NOTCH1: variants seen among roughly 807,000 people sequenced by gnomAD.
NOTCH1 encodes the protein notch receptor 1, also known as neurogenic locus notch homolog protein 1.
Under a neutral mutation model 254.8 loss-of-function variants are expected in NOTCH1, and 37 were observed. That is an observed-to-expected ratio of 0.15 (90% CI 0.11 to 0.19). NOTCH1 has a LOEUF of 0.19. Ranked by LOEUF, NOTCH1 falls within the 10% of genes least tolerant of loss-of-function variation. The probability of loss-of-function intolerance (pLI) is 1.00; values close to 1 mark genes in which losing one functional copy is unlikely to be tolerated. For missense variants in NOTCH1, 2,972 were observed against 3,708.6 expected, an observed-to-expected ratio of 0.80 and a Z score of 5.16; for synonymous variants, 1,731 against 1,618.1, an observed-to-expected ratio of 1.07 and a Z score of -1.68.
chr9:136,514,476 C>T (rs1205909672), intron 13 of NOTCH1, 34 bp downstream of exon 13: 1 of 1,545,556 alleles, frequency 6.5e-7, no homozygotes, highest in South Asian at 1.2e-5. Flanking sequence ...GGGTTTAGGA[C>T]TGATGTGTCC....
intron 17 of NOTCH1, 91 bp from the exon 18 acceptor site, chr9:136,510,052 C>A: frequency 7.7e-7 from 1 of 1,293,390 alleles, no homozygotes; most frequent in Non-Finnish European, 1.1e-6. Flanking sequence ...TGGGGACAGC[C>A]CAGCCTTTCG....
Position 136,506,397 on chromosome 9 carries a change from AG to A in NOTCH1, c.4014+129del. The stretch of plus-strand genomic sequence containing the variant: ...TTTATTGAAACTAAAAAAAAAAAAA[AG>A]ACATCAGGGTGAGGAGGAGGATGAA... On this transcript the variant is annotated intron_variant, in intron 24 of 33. Transcript: ENST00000651671. This position sits in a 1 kb window ranked among gnomAD's most constrained non-coding sequence, Gnocchi z 4.5. The A allele has an allele frequency of 2.9e-6, 2 of 681,368 alleles. No individual in the cohort carries two copies. The highest frequency in any genetic ancestry group is 1.9e-5 in the South Asian group (1 of 53,848). The allele number at this position is 681,368 out of a possible 1,614,324, so 42.2% of individuals were successfully genotyped here.
chr9:136,536,277 AG>A (rs991813423), intron 2 of NOTCH1, among the ~76,000 whole-genome samples: 2 of 152,130 alleles, frequency 1.3e-5, no homozygotes, highest in African/African-American at 4.8e-5. Context: ...GGTGCCCTGC[AG>A]GGGACATGGC....
rs1327017398 is a variant in NOTCH1 at position 136,539,126 on chromosome 9, C to T, written c.140+4898G>A. Among the ~76,000 whole-genome samples, 4 of 152,234 alleles carry T rather than the reference C, an allele frequency of 2.6e-5. No individual in the cohort carries two copies. The East Asian group carries it at 7.7e-4, about 29-fold the overall frequency. On this transcript the variant is annotated intron_variant, in intron 2 of 33. Coordinates refer to ENST00000651671, the MANE Select transcript of NOTCH1 (RefSeq NM_017617.5). ...AGCTCTGCCCTGTGGAAGCACTTCC[C>T]CTGGTGCACTGTCTGCCCTGCCCTA... is the stretch of plus-strand genomic sequence containing the variant.
chr9:136,501,009 G>A (rs769485116), intron 30 of NOTCH1, among the ~76,000 whole-genome samples, 162 bp from the exon 31 acceptor site: 97 of 152,324 alleles, frequency 6.4e-4, no homozygotes, highest in Middle Eastern at 3.4e-3. Context: ...GCTGAAGTCC[G>A]CCTGGGCTGC....
rs2133370926 is a variant in NOTCH1 at position 136,518,671 on chromosome 9, G to C, written c.1019C>G (p.Ala340Gly). Residue 340 changes from alanine to glycine, a missense_variant, in exon 6 of 34, where the codon GCC becomes GGC. By Grantham distance (60) the Ala-to-Gly change is moderately conservative. Coordinates refer to ENST00000651671, the MANE Select transcript of NOTCH1 (RefSeq NM_017617.5). Reference sequence around the variant, plus strand: ...GGCGCCGTGGAAGCAGGCGGCGCTGGCACAGTCATCAATGTTCTCGCTGCA... The same window carrying C: ...GGCGCCGTGGAAGCAGGCGGCGCTGCCACAGTCATCAATGTTCTCGCTGCA... ...EDCSENIDDC[A>G]SAACFHGATC... is the part of the protein sequence containing the mutation. 1 of 1,612,548 alleles carries C rather than the reference G, an allele frequency of 6.2e-7. No homozygotes were observed. The highest frequency in any genetic ancestry group is 8.5e-7 in the Non-Finnish European group (1 of 1,179,982).
At chr9:136,503,388 G>A (rs1044547753) in intron 26 of NOTCH1, 58 bp from the exon 27 acceptor site, 34 of 1,609,626 alleles carry the variant, frequency 2.1e-5, no homozygotes, top group East Asian at 8.9e-5. Flanking sequence ...CCCGCCCACC[G>A]GCCAGGGATG....
chr9:136,508,752 G>T (rs115228361), intron 19 of NOTCH1, 118 bp downstream of exon 19: 1 of 1,033,042 alleles, frequency 9.7e-7, no homozygotes, highest in Non-Finnish European at 1.4e-6. Context: ...TCTGCCCGGG[G>T]GTGTGGGGGT....
In NOTCH1 at chr9:136,515,476, C is replaced by T. The variant is rs760116150; in HGVS notation, c.1903+7G>A. The T allele has an allele frequency of 9.5e-5, 153 of 1,611,478 alleles. No homozygotes were observed. The highest frequency in any genetic ancestry group is 2.2e-4 in the South Asian group (20 of 91,046). Reference sequence around the variant, plus strand: ...GCCCCCCGCCGGCCACCCGCCTGGCCGGCCACCTGTGGTCCCCTTCAGGCA... The same window carrying T: ...GCCCCCCGCCGGCCACCCGCCTGGCTGGCCACCTGTGGTCCCCTTCAGGCA... On this transcript the variant is annotated splice_region_variant and intron_variant, in intron 11 of 33. Transcript: ENST00000651671.
At chr9:136,525,021 C>T (rs1413011873) in intron 2 of NOTCH1, among the ~76,000 whole-genome samples, 1 of 152,206 alleles carries the variant, frequency 6.6e-6, no homozygotes, top group East Asian at 1.9e-4. Flanking sequence ...GGGATGAAGG[C>T]TGGCCCGTTC....
At chr9:136,507,833 AGACTGAACAGTGCATGG>A (rs1843113053) in intron 21 of NOTCH1, 105 bp downstream of exon 21, 12 of 1,054,484 alleles carry the variant, frequency 1.1e-5, no homozygotes, top group Admixed American at 7.3e-5. Flanking sequence ...TCCCCTAATG[AGACTGAACAGTGCATGG>A]GCCTATCAGG....
rs749701127 is a variant in NOTCH1 at position 136,506,969 on chromosome 9, C to T, written c.3648G>A (p.Val1216=). The stretch of plus-strand genomic sequence containing the variant: ...AGTCGTCCACGTTGATCTCACAGTG[C>T]ACACCTGCGGGGCCAGGTTTCGTCA... ...KCSCPRGTQG[V]HCEINVDDCN... Residue 1216 remains valine, a synonymous_variant, in exon 23 of 34, where the codon GTG becomes GTA. Coordinates refer to ENST00000651671, the MANE Select transcript of NOTCH1 (RefSeq NM_017617.5). This position sits in a 1 kb window ranked among gnomAD's most constrained non-coding sequence, Gnocchi z 4.5. 13 of 1,602,762 alleles carry T rather than the reference C, an allele frequency of 8.1e-6. No individual in the cohort carries two copies. In the South Asian group the frequency reaches 1.5e-4, roughly 18 times the overall value.
At chr9:136,498,784 A>G (rs1842953516) in intron 33 of NOTCH1, 115 bp downstream of exon 33, 2 of 1,247,164 alleles carry the variant, frequency 1.6e-6, no homozygotes, top group Non-Finnish European at 2.3e-6. Context: ...GGGCCCAGCG[A>G]CCCTCGAGAC....
intron 2 of NOTCH1, among the ~76,000 whole-genome samples, chr9:136,541,827 G>A (rs1843736612): frequency 1.3e-5 from 2 of 152,256 alleles, no homozygotes; most frequent in South Asian, 4.1e-4. Flanking sequence ...GCAGGAGCCT[G>A]AGGACGCGCT....
intron 2 of NOTCH1, among the ~76,000 whole-genome samples, chr9:136,542,544 C>CAAAA (rs1174860714): frequency 1.3e-4 from 7 of 52,490 alleles, no homozygotes; most frequent in African/African-American, 1.9e-4. Context: ...CCCCAAAAAG[C>CAAAA]AAAAAAAAAA....
rs1327645311 is a variant in NOTCH1 at position 136,513,590 on chromosome 9, G to A, written c.2208-53C>T. 5.6e-6 allele frequency: 9 copies of A among 1,605,582 alleles called. No individual in the cohort carries two copies. The highest frequency in any genetic ancestry group is 1.1e-5 in the South Asian group (1 of 90,630). ...AGGGAGGCCCGAGCAGCACGGCCGG[G>A]GCCTGGGCACTCCCGGGTCTGCAAT... is the stretch of plus-strand genomic sequence containing the variant. On this transcript the variant is annotated intron_variant, in intron 13 of 33. Coordinates refer to ENST00000651671, the MANE Select transcript of NOTCH1 (RefSeq NM_017617.5). The surrounding 1 kb of genome is among the most constrained non-coding windows in gnomAD (Gnocchi z 4.7).
chr9:136,515,519 T>G lies in NOTCH1; in HGVS notation c.1867A>C (p.Asn623His), dbSNP rs1242079317. 6.2e-7 allele frequency: 1 copy of G among 1,611,954 alleles called. No individual in the cohort carries two copies. The highest frequency in any genetic ancestry group is 8.5e-7 in the Non-Finnish European group (1 of 1,179,814). Residue 623 changes from asparagine (N) to histidine (H), a missense_variant, in exon 11 of 34, where the codon AAC becomes CAC. Physicochemically the swap from Asn to His is moderately conservative, Grantham distance 68. Transcript: ENST00000651671. ...RHGGTCQDRD[N>H]AYLCFCLKGT... Reference sequence around the variant, plus strand: ...TTCAGGCAGAAGCAGAGGTAGGCGTTGTCGCGGTCCTGGCAGGTGCCCCCG... The same window carrying G: ...TTCAGGCAGAAGCAGAGGTAGGCGTGGTCGCGGTCCTGGCAGGTGCCCCCG...
At position 136,511,355 on chromosome 9, in the gene NOTCH1, C is replaced by T. The variant is rs555263317; in HGVS notation, c.2468-84G>A. On this transcript the variant is annotated intron_variant, in intron 15 of 33. Transcript: ENST00000651671. ...GGCCACCGCCTGCTGGTCTTTCCGC[C>T]ATCAGAGTGCCGTCTGCTGGTCCCG... 2.7e-6 allele frequency: 4 copies of T among 1,500,884 alleles called. No homozygotes were observed. In the Admixed American group the frequency reaches 6.0e-5, roughly 22 times the overall value. 93.0% of individuals were successfully genotyped at this position (1,500,884 alleles called of 1,614,324 possible). A position where few individuals can be genotyped will look rare whatever the true frequency, so the allele number is the denominator to read the frequency against.
At position 136,517,955 on chromosome 9, in the gene NOTCH1, G is replaced by A. The variant is rs2133369140; in HGVS notation, c.1256-18C>T. On this transcript the variant is annotated intron_variant, in intron 7 of 33. Transcript: ENST00000651671. ...GTTGGCACCTGGCGAGGGCACACGG[G>A]TGAGAGGCTGCTCCAGGCACCCTGG... 6.2e-7 allele frequency: 1 copy of A among 1,606,156 alleles called. No homozygotes were observed. The highest frequency in any genetic ancestry group is 1.3e-5 in the African/African-American group (1 of 74,984).
Sources: allele counts gnomAD v4.1 joint callset (sites outside exome capture counted in the v4.1 genomes callset), GRCh38; gene constraint gnomAD v4.1.1; non-coding constraint Gnocchi (gnomAD v3.1); transcripts MANE v1.5; gene names NCBI Gene and HGNC (gene_info 2026-07-23, HGNC 2026-07-21).